The following NPIPB2 variants were observed in gnomAD, a reference collection of about 807,000 sequenced individuals.
NPIPB2 encodes nuclear pore complex-interacting protein family member B2.
A neutral mutation model predicts 30.8 loss-of-function variants in NPIPB2; 27 were observed. That is an observed-to-expected ratio of 0.88 (90% CI 0.65 to 1.21). The LOEUF is 1.21. Among genes scored for constraint, NPIPB2 ranks in the 50% most tolerant of loss-of-function variants. The pLI, the probability that NPIPB2 is intolerant of heterozygous loss-of-function variation, is 0.00. For synonymous variants in NPIPB2, 147 were observed against 162.0 expected, an observed-to-expected ratio of 0.91 and a Z score of 0.70; for missense variants, 440 against 446.2, an observed-to-expected ratio of 0.99 and a Z score of 0.13.
intron 1 of NPIPB2, among the ~76,000 whole-genome samples, chr16:11,947,334 A>ATATATATT (rs1555509096): frequency 6.9e-6 from 1 of 144,944 alleles, no homozygotes; most frequent in South Asian, 2.2e-4. Flanking sequence ...ATATATATAT[A>ATATATATT]TATTTATTTA....
intron 1 of NPIPB2, chr16:11,968,114 AC>A: frequency 2.8e-6 from 1 of 351,744 alleles, no homozygotes; most frequent in Non-Finnish European, 5.3e-6. Flanking sequence ...AAGCATGTAT[AC>A]CAGTGTGGGG....
At chr16:11,951,950 G>C (rs905074420) in intron 1 of NPIPB2, among the ~76,000 whole-genome samples, 7 of 152,076 alleles carry the variant, frequency 4.6e-5, no homozygotes, top group African/African-American at 1.7e-4. Context: ...ACAAGGTCAG[G>C]AGATCGAGAC....
At chr16:11,935,287 G>C (rs2054849965) in intron 2 of NPIPB2, among the ~76,000 whole-genome samples, 1 of 152,074 alleles carries the variant, frequency 6.6e-6, no homozygotes, top group Non-Finnish European at 1.5e-5. Flanking sequence ...ATGTGGGTCA[G>C]ATACCTATGA....
intron 1 of NPIPB2, among the ~76,000 whole-genome samples, chr16:11,961,012 G>A (rs1381580375): frequency 6.6e-6 from 1 of 151,766 alleles, no homozygotes; most frequent in Non-Finnish European, 1.5e-5. Flanking sequence ...GATTATGCAC[G>A]CCACCACGCT....
At chr16:11,941,050 G>A in intron 1 of NPIPB2, 2 of 1,055,704 alleles carry the variant, frequency 1.9e-6, no homozygotes, top group Non-Finnish European at 2.6e-6. Context: ...GGACTCAAGT[G>A]ATCTGCCCAC....
At chr16:11,958,423 G>GT (rs1335431324) in intron 1 of NPIPB2, among the ~76,000 whole-genome samples, 1 of 139,268 alleles carries the variant, frequency 7.2e-6, no homozygotes, top group Non-Finnish European at 1.5e-5. Context: ...GCGAGACTCC[G>GT]TTAAAAAAAA....
chr16:11,934,155 G>C (rs1407371108), intron 2 of NPIPB2, among the ~76,000 whole-genome samples: 1 of 149,938 alleles, frequency 6.7e-6, no homozygotes, highest in Non-Finnish European at 1.5e-5. Context: ...GTTTGAAGCT[G>C]GGAGGCGGAG....
downstream of NPIPB2, chr16:11,927,338 T>C (rs2054729741): frequency 9.7e-6 from 8 of 825,668 alleles, no homozygotes; most frequent in East Asian, 2.1e-4. Context: ...TTTTTGATTT[T>C]TTTATTTTGT....
chr16:11,932,417 A>G (rs1043230865), intron 4 of NPIPB2, among the ~76,000 whole-genome samples: 2 of 151,048 alleles, frequency 1.3e-5, no homozygotes, highest in African/African-American at 2.4e-5. Context: ...TGAGGTAGGC[A>G]GATCACCTGA....
intron 1 of NPIPB2, among the ~76,000 whole-genome samples, chr16:11,950,558 G>C (rs747704507): frequency 6.6e-6 from 1 of 152,146 alleles, no homozygotes; most frequent in Non-Finnish European, 1.5e-5. Context: ...ATAAGGACGA[G>C]AGAGAGTTTA....
chr16:11,958,769 A>G (rs2055133806), intron 1 of NPIPB2, among the ~76,000 whole-genome samples: 1 of 152,142 alleles, frequency 6.6e-6, no homozygotes, highest in African/African-American at 2.4e-5. Context: ...GAAAGCCTGT[A>G]GGTTGAAAAT....
intron 1 of NPIPB2, among the ~76,000 whole-genome samples, chr16:11,962,794 C>T (rs764366977): frequency 3.0e-4 from 45 of 151,294 alleles, no homozygotes; most frequent in Admixed American, 1.4e-3. Flanking sequence ...AGTGGCTGGG[C>T]GCGGTGGCTC....
At position 11,934,397 on chromosome 16, in the gene NPIPB2, T is replaced by C. The variant is rs533186257; in HGVS notation, c.193-473A>G. Among the ~76,000 whole-genome samples the C allele has an allele frequency of 5.9e-3, 883 of 149,624 alleles. 14 individuals carry two copies. Among genetic ancestry groups the C allele is most frequent in the African/African-American group, 0.021 (841 of 40,426 alleles). ...GGAGAAACGCTGTCTCTGCTAAAAA[T>C]ACAAAATTAGCCAGGCATGGTGGTG... On this transcript the variant is annotated intron_variant, in intron 2 of 7. Transcript: ENST00000399147.
chr16:11,969,773 T>C (rs1485305531), intron 1 of NPIPB2, among the ~76,000 whole-genome samples: 1 of 152,040 alleles, frequency 6.6e-6, no homozygotes, highest in East Asian at 1.9e-4. Context: ...CAGCCCAAAA[T>C]GTGAGTGGTG....
chr16:11,938,819 G>A (rs1181532084), intron 1 of NPIPB2, among the ~76,000 whole-genome samples: 2 of 152,124 alleles, frequency 1.3e-5, no homozygotes, highest in Admixed American at 1.3e-4. Flanking sequence ...CATGATCTCA[G>A]CTCACTGCAA....
chr16:11,962,197 T>TAAA (rs34733614), intron 1 of NPIPB2, among the ~76,000 whole-genome samples: 8 of 95,708 alleles, frequency 8.4e-5, no homozygotes, highest in African/African-American at 2.0e-4. Context: ...CACCCTGTCT[T>TAAA]AAAAAAAAAA....
upstream of NPIPB2, among the ~76,000 whole-genome samples, chr16:11,944,544 C>A (rs1350173930): frequency 6.6e-6 from 1 of 151,142 alleles, no homozygotes. Context: ...GGGTGGATCA[C>A]CTGAGGTCAG....
At chr16:11,952,633 C>T (rs2055077973) in intron 1 of NPIPB2, among the ~76,000 whole-genome samples, 1 of 149,572 alleles carries the variant, frequency 6.7e-6, no homozygotes, top group South Asian at 2.1e-4. Flanking sequence ...GGCACAATCT[C>T]GGCTCACTGC....
intron 1 of NPIPB2, among the ~76,000 whole-genome samples, chr16:11,940,746 TGA>T (rs2054927036): frequency 9.8e-6 from 1 of 101,912 alleles, no homozygotes; most frequent in African/African-American, 4.1e-5. Flanking sequence ...GGCGACAGAG[TGA>T]GACTCTGTCT....
Sources: allele counts gnomAD v4.1 joint callset (sites outside exome capture counted in the v4.1 genomes callset), GRCh38; gene constraint gnomAD v4.1.1; transcripts MANE v1.5; gene names NCBI Gene and HGNC (gene_info 2026-07-23, HGNC 2026-07-21).